The following RPH3AL variants were observed in gnomAD, a reference collection of about 807,000 sequenced individuals.
RPH3AL encodes the protein rab effector Noc2.
RPH3AL carries 38 observed loss-of-function variants against 43.1 expected under a neutral mutation model. The observed-to-expected ratio is 0.88, with a 90% CI of 0.68 to 1.15. The LOEUF is 1.15. Among genes scored for constraint, RPH3AL ranks in the 50% most tolerant of loss-of-function variants. The pLI is 0.00. For synonymous variants in RPH3AL, 189 were observed against 176.3 expected (o/e 1.07, Z -0.57); for missense variants, 462 against 423.2 (o/e 1.09, Z -0.81).
chr17:302,956 C>T (rs1338148939), intron 5 of RPH3AL, among the ~76,000 whole-genome samples: 1 of 152,240 alleles, frequency 6.6e-6, no homozygotes, highest in East Asian at 1.9e-4. Flanking sequence ...ATTTCACACA[C>T]ACCTCTGGTG....
chr17:286,947 T>C (rs866910807), intron 5 of RPH3AL, among the ~76,000 whole-genome samples: 8 of 60,602 alleles, frequency 1.3e-4, no homozygotes, highest in Non-Finnish European at 1.5e-4. Flanking sequence ...ACCCTCTCTC[T>C]CCACCGTCAG....
intron 5 of RPH3AL, among the ~76,000 whole-genome samples, chr17:293,093 T>C (rs1361430462): frequency 6.6e-6 from 1 of 152,108 alleles, no homozygotes; most frequent in Non-Finnish European, 1.5e-5. Flanking sequence ...CGGCAGGCCC[T>C]TCCCCTCCAT....
intron 6 of RPH3AL, chr17:261,948 A>T (rs558498837): frequency 6.6e-6 from 1 of 152,334 alleles, no homozygotes; most frequent in African/African-American, 2.4e-5. Context: ...ATGGTAAAAT[A>T]AAAAAGCTGC....
chr17:325,761 C>T (rs1259205403), intron 3 of RPH3AL, among the ~76,000 whole-genome samples: 1 of 152,170 alleles, frequency 6.6e-6, no homozygotes, highest in Non-Finnish European at 1.5e-5. Context: ...GTGCCTGGCA[C>T]ATAGTAGGGG....
intron 5 of RPH3AL, among the ~76,000 whole-genome samples, chr17:307,807 T>C (rs2043539620): frequency 6.6e-6 from 1 of 152,210 alleles, no homozygotes; most frequent in Non-Finnish European, 1.5e-5. Flanking sequence ...CTGCTCCTTC[T>C]TTCTTTGGAA....
chr17:327,878 C>A (rs2044654995), intron 2 of RPH3AL, among the ~76,000 whole-genome samples: 1 of 152,134 alleles, frequency 6.6e-6, no homozygotes, highest in Non-Finnish European at 1.5e-5. Flanking sequence ...GGAGGCTCAC[C>A]CTTAGCAGTT....
intron 5 of RPH3AL, among the ~76,000 whole-genome samples, chr17:293,884 C>G (rs973294967): frequency 6.6e-6 from 1 of 151,984 alleles, no homozygotes; most frequent in African/African-American, 2.4e-5. Flanking sequence ...CAAAAATTAG[C>G]CGGGCGCGGT....
intron 7 of RPH3AL, among the ~76,000 whole-genome samples, chr17:242,299 ATTAC>A (rs2041564351): frequency 7.3e-6 from 1 of 136,508 alleles, no homozygotes; most frequent in Non-Finnish European, 1.6e-5. Flanking sequence ...TCCTCTATTG[ATTAC>A]CTTCCTCTAT....
intron 7 of RPH3AL, among the ~76,000 whole-genome samples, chr17:239,158 G>C (rs887013040): frequency 1.3e-5 from 2 of 152,186 alleles, no homozygotes; most frequent in Non-Finnish European, 2.9e-5. Context: ...AATACCCAGC[G>C]TCCAGGGGAG....
intron 5 of RPH3AL, among the ~76,000 whole-genome samples, chr17:312,740 C>CAA (rs1279911800): frequency 6.6e-6 from 1 of 152,204 alleles, no homozygotes; most frequent in Non-Finnish European, 1.5e-5. Flanking sequence ...TTAATGACCC[C>CAA]ATTTTACAGA....
At chr17:307,381 G>A (rs574001518) in intron 5 of RPH3AL, among the ~76,000 whole-genome samples, 10 of 147,642 alleles carry the variant, frequency 6.8e-5, no homozygotes, top group South Asian at 2.2e-4. Flanking sequence ...TCCATCCCAC[G>A]GCAGGTCCAT....
intron 6 of RPH3AL, among the ~76,000 whole-genome samples, chr17:258,467 AG>A (rs2042118484): frequency 6.6e-6 from 1 of 152,200 alleles, no homozygotes; most frequent in Non-Finnish European, 1.5e-5. Context: ...AGAGGGATAA[AG>A]AGGAAGGGCT....
In RPH3AL at chr17:246,074, A is replaced by G. The variant is rs2041757137; in HGVS notation, c.613+1037T>C. 6.6e-6 allele frequency among the ~76,000 whole-genome samples: 1 copy of G among 152,172 alleles called. No homozygotes were observed. The highest frequency in any genetic ancestry group is 6.5e-5 in the Admixed American group (1 of 15,286). On this transcript the variant is annotated intron_variant, in intron 7 of 9. Coordinates refer to ENST00000331302, the MANE Select transcript of RPH3AL (RefSeq NM_006987.4). The surrounding 1 kb of genome is among the most constrained non-coding windows in gnomAD (Gnocchi z 4.8). The stretch of plus-strand genomic sequence containing the variant: ...TATGGGGGATTTATACCTTCTACAT[A>G]CGTCACTGGACAACTTTCACATGTT...
chr17:336,903 C>A (rs2044972570), intron 1 of RPH3AL, among the ~76,000 whole-genome samples: 1 of 152,116 alleles, frequency 6.6e-6, no homozygotes, highest in Non-Finnish European at 1.5e-5. Flanking sequence ...GGCCCAGCAC[C>A]ACCTCCCCTG....
At chr17:277,655 A>C (rs903424778) in intron 6 of RPH3AL, among the ~76,000 whole-genome samples, 2 of 152,144 alleles carry the variant, frequency 1.3e-5, no homozygotes, top group Admixed American at 1.3e-4. Flanking sequence ...ATTTTACTGA[A>C]TATAAAACCA....
chr17:257,862 C>T (rs879946766), intron 6 of RPH3AL, among the ~76,000 whole-genome samples: 2 of 16,364 alleles, frequency 1.2e-4, no homozygotes, highest in East Asian at 1.6e-3. Context: ...ATGAGGGGAG[C>T]CGCACGGTGT....
rs2040716543 is a variant in RPH3AL at position 213,380 on chromosome 17, G to C, written c.*472C>G. On this transcript the variant is annotated 3_prime_UTR_variant, in exon 10 of 10. Coordinates refer to ENST00000331302, the MANE Select transcript of RPH3AL (RefSeq NM_006987.4). ...GAGCTGAAGGGAGAGGGAGAGGGTG[G>C]GTGAGTCTCCCCCTCACTGCTCTGG... 2 of 184,002 alleles carry C rather than the reference G, an allele frequency of 1.1e-5. No individual in the cohort carries two copies. Among genetic ancestry groups the C allele is most frequent in the South Asian group, 2.0e-4 (2 of 10,238 alleles). The allele number at this position is 184,002 out of a possible 1,614,324, so 11.4% of individuals were successfully genotyped here. A position where few individuals can be genotyped will look rare whatever the true frequency, so the allele number is the denominator to read the frequency against.
chr17:273,964 T>G (rs1169310529), intron 6 of RPH3AL, among the ~76,000 whole-genome samples: 1 of 152,200 alleles, frequency 6.6e-6, no homozygotes, highest in East Asian at 1.9e-4. Flanking sequence ...GAAGCTTTCT[T>G]ATGGCCCAGG....
At position 333,063 on chromosome 17, in the gene RPH3AL, C is replaced by T. The variant is rs2151718829; in HGVS notation, c.-37+696G>A. The T allele has an allele frequency of 7.8e-7, 1 of 1,289,120 alleles. No individual in the cohort carries two copies. Among genetic ancestry groups the T allele is most frequent in the African/African-American group, 1.5e-5 (1 of 65,964 alleles). The allele number at this position is 1,289,120 out of a possible 1,614,324, so 79.9% of individuals were successfully genotyped here. A position where few individuals can be genotyped will look rare whatever the true frequency, so the allele number is the denominator to read the frequency against. ...AACAACCCCTTCTTCCAGGAGGATG[C>T]AATTCTCTCTCTAAAGTCGAGAGCT... On this transcript the variant is annotated intron_variant, in intron 2 of 9. Coordinates refer to ENST00000331302, the MANE Select transcript of RPH3AL (RefSeq NM_006987.4). The surrounding 1 kb of genome is among the most constrained non-coding windows in gnomAD (Gnocchi z 4.5).
Sources: gnomAD v4.1 joint callset for allele counts (sites outside exome capture counted in the v4.1 genomes callset) on GRCh38, gnomAD v4.1.1 for gene constraint, Gnocchi (gnomAD v3.1) non-coding constraint, MANE v1.5 for transcripts, NCBI Gene and HGNC (gene_info 2026-07-23, HGNC 2026-07-21) for gene names.